RAI2: variants seen among roughly 807,000 people sequenced by gnomAD.
RAI2 encodes retinoic acid-induced protein 2.
In RAI2, 5 loss-of-function variants were observed where a neutral mutation model predicts 15.3. The ratio of observed to expected loss-of-function variants is 0.33; its 90% CI spans 0.17 to 0.69. The LOEUF (loss-of-function observed/expected upper bound fraction) is 0.69. Among genes scored for constraint, RAI2 ranks in the 30% least tolerant of loss-of-function variants. RAI2 has a pLI of 0.69. For synonymous variants in RAI2, 191 were observed against 184.0 expected (o/e 1.04, Z -0.31); for missense variants, 424 against 424.7 (o/e 1.00, Z 0.01).
At chrX:17,841,558 T>A (rs1421266405) in intron 1 of RAI2, among the ~76,000 whole-genome samples, 1 of 112,775 alleles carries the variant, frequency 8.9e-6, no homozygotes, top group East Asian at 2.8e-4. Flanking sequence ...AAAGTCCATG[T>A]GTGTGGTCGA....
At chrX:17,854,619 A>G (rs927984493) in intron 1 of RAI2, among the ~76,000 whole-genome samples, 2 of 112,021 alleles carry the variant, frequency 1.8e-5, no homozygotes, top group African/African-American at 6.5e-5. Flanking sequence ...CACAAAGGCA[A>G]AAATAACAAC....
At chrX:17,853,446 G>A (rs1480010415) in intron 1 of RAI2, among the ~76,000 whole-genome samples, 1 of 111,629 alleles carries the variant, frequency 9.0e-6, no homozygotes, top group Non-Finnish European at 1.9e-5. Flanking sequence ...TCTTCAACAG[G>A]GCTAATTTTG....
At chrX:17,808,623 C>T (rs2067008225) in intron 1 of RAI2, among the ~76,000 whole-genome samples, 1 of 110,619 alleles carries the variant, frequency 9.0e-6, no homozygotes, top group Non-Finnish European at 1.9e-5. Context: ...CACCAAACTC[C>T]CTCCTCTTCC....
intron 1 of RAI2, among the ~76,000 whole-genome samples, chrX:17,810,023 C>T (rs2067027412): frequency 9.0e-6 from 1 of 111,704 alleles, no homozygotes. Flanking sequence ...CCTCCCACCT[C>T]GACTTCCCAA....
Position 17,812,145 on chromosome X carries a change from T to C in RAI2, c.-24-10111A>G, listed in dbSNP as rs1383464412. On this transcript the variant is annotated intron_variant, in intron 1 of 1. Coordinates refer to ENST00000451717, the MANE Select transcript of RAI2 (RefSeq NM_021785.6). The stretch of plus-strand genomic sequence containing the variant: ...TCTTCACCATCATTCTCATTGTCAG[T>C]GCCATCATCATCATTGTGCCATTGG... 3.6e-5 allele frequency among the ~76,000 whole-genome samples: 4 copies of C among 111,825 alleles called. No individual in the cohort carries two copies. The East Asian group carries it at 8.4e-4, about 23-fold the overall frequency.
chrX:17,839,270 T>C (rs185798151), intron 1 of RAI2, among the ~76,000 whole-genome samples: 2 of 112,300 alleles, frequency 1.8e-5, no homozygotes, highest in Non-Finnish European at 3.8e-5. Flanking sequence ...TCCCTCTCTC[T>C]TTCTCTGTCC....
rs73447881 is a variant in RAI2 at position 17,857,003 on chromosome X, A to G, written c.-25+4095T>C. On this transcript the variant is annotated intron_variant, in intron 1 of 1. Coordinates refer to ENST00000451717, the MANE Select transcript of RAI2 (RefSeq NM_021785.6). The stretch of plus-strand genomic sequence containing the variant: ...AGTGGCAGACTCAAGAGGCTCATCA[A>G]CATTGTGAGCCATGAAGGAAAGGCT... Among the ~76,000 whole-genome samples, 756 of 111,480 alleles carry G rather than the reference A, an allele frequency of 6.8e-3. 5 individuals are homozygous for G. The highest frequency in any genetic ancestry group is 0.024 in the African/African-American group (723 of 30,610).
At chrX:17,850,736 A>T (rs2067522024) in intron 1 of RAI2, among the ~76,000 whole-genome samples, 1 of 112,217 alleles carries the variant, frequency 8.9e-6, no homozygotes, top group Non-Finnish European at 1.9e-5. Context: ...TAGCATTTTT[A>T]AAATGAAGGA....
chrX:17,858,006 T>C (rs2067636848), intron 1 of RAI2, among the ~76,000 whole-genome samples: 1 of 110,675 alleles, frequency 9.0e-6, no homozygotes, highest in Non-Finnish European at 1.9e-5. Flanking sequence ...GATCCAGAGA[T>C]TTGTATGTTT....
chrX:17,821,733 C>G (rs1474752832), intron 1 of RAI2, among the ~76,000 whole-genome samples: 2 of 111,198 alleles, frequency 1.8e-5, no homozygotes, highest in Non-Finnish European at 3.8e-5. Context: ...GCTGGGGAAA[C>G]AAAGGCTCAG....
At chrX:17,826,353 C>T (rs187324922) in intron 1 of RAI2, among the ~76,000 whole-genome samples, 74 of 111,330 alleles carry the variant, frequency 6.6e-4, no homozygotes, top group African/African-American at 2.2e-3. Context: ...GCACCTATCA[C>T]ATTTGCAAGC....
At chrX:17,803,323 C>T (rs934445861) in intron 1 of RAI2, among the ~76,000 whole-genome samples, 4 of 110,253 alleles carry the variant, frequency 3.6e-5, no homozygotes, top group Non-Finnish European at 3.8e-5. Flanking sequence ...GTCAGGAGTT[C>T]GAGACCAGCC....
intron 1 of RAI2, chrX:17,860,758 G>C (rs1352462651): frequency 9.1e-6 from 1 of 109,657 alleles, no homozygotes; most frequent in Non-Finnish European, 1.9e-5. Flanking sequence ...GCCAGTGCGG[G>C]CGGCGGCCCG....
At chrX:17,803,718 G>A (rs1166725210) in intron 1 of RAI2, among the ~76,000 whole-genome samples, 1 of 110,957 alleles carries the variant, frequency 9.0e-6, no homozygotes, top group African/African-American at 3.3e-5. Context: ...CAACTTTGTG[G>A]AGAATGACTG....
intron 1 of RAI2, among the ~76,000 whole-genome samples, chrX:17,822,390 T>G (rs765190135): frequency 1.1e-4 from 12 of 111,924 alleles, no homozygotes; most frequent in Admixed American, 1.9e-4. Flanking sequence ...GCATTCCCTA[T>G]TAAACCTTCA....
intron 1 of RAI2, among the ~76,000 whole-genome samples, chrX:17,816,514 C>G (rs1479840459): frequency 2.7e-5 from 3 of 112,622 alleles, no homozygotes; most frequent in Non-Finnish European, 5.6e-5. Flanking sequence ...CAGCCTGCAT[C>G]TGCACCTCAG....
intron 1 of RAI2, among the ~76,000 whole-genome samples, chrX:17,830,185 T>C (rs887160506): frequency 1.8e-5 from 2 of 112,674 alleles, no homozygotes; most frequent in African/African-American, 6.5e-5. Context: ...CTCATCAGCA[T>C]CACAAAGTGG....
chrX:17,811,440 G>T (rs181546949), intron 1 of RAI2, among the ~76,000 whole-genome samples: 2 of 112,258 alleles, frequency 1.8e-5, no homozygotes, highest in Non-Finnish European at 3.8e-5. Context: ...AAAGAGCTAC[G>T]GTTTTTGGAC....
chrX:17,842,325 G>A (rs907570001), intron 1 of RAI2, among the ~76,000 whole-genome samples: 2 of 111,500 alleles, frequency 1.8e-5, no homozygotes, highest in Admixed American at 1.9e-4. Flanking sequence ...GGTGGAAGGC[G>A]TTAGTCTCAG....
Sources: allele counts gnomAD v4.1 joint callset (sites outside exome capture counted in the v4.1 genomes callset), GRCh38; gene constraint gnomAD v4.1.1; transcripts MANE v1.5; gene names NCBI Gene and HGNC (gene_info 2026-07-23, HGNC 2026-07-21).